Variants in PRRC2C observed in about 807,000 individuals in gnomAD.
The protein encoded by PRRC2C is protein PRRC2C.
In PRRC2C, 72 loss-of-function variants were observed where a neutral mutation model predicts 317.2. The observed-to-expected ratio is 0.23, with a 90% CI of 0.19 to 0.28. The LOEUF is 0.28. PRRC2C is among the 10% of genes least tolerant of loss of function. The pLI, the probability that PRRC2C is intolerant of heterozygous loss-of-function variation, is 1.00. For missense variants in PRRC2C, 3,074 were observed against 3,459.7 expected, an observed-to-expected ratio of 0.89 and a Z score of 2.80; for synonymous variants, 1,296 against 1,205.9, an observed-to-expected ratio of 1.07 and a Z score of -1.55.
At chr1:171,574,861 GTATA>G in intron 24 of PRRC2C, 62 bp from the exon 25 acceptor site, 1 of 1,405,036 alleles carries the variant, frequency 7.1e-7, no homozygotes, top group African/African-American at 1.4e-5. Flanking sequence ...ACTGATACAT[GTATA>G]TACATACGTA....
intron 6 of PRRC2C, among the ~76,000 whole-genome samples, chr1:171,519,892 A>G (rs985314506): frequency 1.3e-5 from 2 of 152,080 alleles, no homozygotes; most frequent in Non-Finnish European, 2.9e-5. Context: ...TATTGTTCCA[A>G]TTTTGCTGCC....
chr1:171,504,830 C>T (rs1197272335), intron 1 of PRRC2C, among the ~76,000 whole-genome samples: 2 of 152,176 alleles, frequency 1.3e-5, no homozygotes, highest in East Asian at 3.9e-4. Context: ...TAAATTTCTT[C>T]TGAGGTTTTG....
rs1371436425 is a variant in PRRC2C, at chr1:171,589,366, C to A, written c.8200-3C>A. On this transcript the variant is annotated splice_polypyrimidine_tract_variant and splice_region_variant and intron_variant, in intron 33 of 34. Coordinates refer to ENST00000647382, the MANE Select transcript of PRRC2C (RefSeq NM_001387844.1). Reference sequence around the variant, plus strand: ...TGTTGTATGTTTTGTTTTTTTCACTCAGATTCTCTCCCAGCCTAACCTGGT... The same window carrying A: ...TGTTGTATGTTTTGTTTTTTTCACTAAGATTCTCTCCCAGCCTAACCTGGT... 3 of 1,199,440 alleles carry A rather than the reference C, an allele frequency of 2.5e-6. No homozygotes were observed. The highest frequency in any genetic ancestry group is 3.3e-6 in the Non-Finnish European group (3 of 915,598). 74.3% of individuals were successfully genotyped at this position (1,199,440 alleles called of 1,614,324 possible).
At chr1:171,551,187 G>C (rs1453055107) in intron 18 of PRRC2C, among the ~76,000 whole-genome samples, 1 of 152,166 alleles carries the variant, frequency 6.6e-6, no homozygotes, top group Non-Finnish European at 1.5e-5. Context: ...GTATCTTATT[G>C]TGGTTTTGAT....
chr1:171,574,884 A>G, intron 24 of PRRC2C, 43 bp from the exon 25 acceptor site: 1 of 1,556,156 alleles, frequency 6.4e-7, no homozygotes, highest in Non-Finnish European at 8.8e-7. Context: ...TATATTCTGT[A>G]TTAACATCAT....
intron 23 of PRRC2C, among the ~76,000 whole-genome samples, chr1:171,568,662 T>A (rs1417735586): frequency 2.6e-5 from 4 of 152,230 alleles, no homozygotes; most frequent in Admixed American, 2.0e-4. Context: ...AAATTTAACA[T>A]GAACGGTTGG....
At chr1:171,519,337 T>C (rs1282034293) in intron 6 of PRRC2C, among the ~76,000 whole-genome samples, 1 of 152,250 alleles carries the variant, frequency 6.6e-6, no homozygotes, top group African/African-American at 2.4e-5. Context: ...TCAAATATTA[T>C]GTTAGTATTC....
chr1:171,548,076 C>T (rs1038315894), intron 17 of PRRC2C, among the ~76,000 whole-genome samples: 3 of 152,182 alleles, frequency 2.0e-5, no homozygotes, highest in Non-Finnish European at 4.4e-5. Context: ...AGCGATTCTC[C>T]TACCTCAACC....
At chr1:171,518,037 A>G (rs935651025) in intron 6 of PRRC2C, among the ~76,000 whole-genome samples, 26 of 152,352 alleles carry the variant, frequency 1.7e-4, no homozygotes, top group Admixed American at 2.0e-4. Context: ...GTTACCACGC[A>G]GTGTTTCTTA....
chr1:171,492,555 G>A lies in PRRC2C; in HGVS notation c.-58+6820G>A, dbSNP rs529794734. Among the ~76,000 whole-genome samples, 313 of 152,092 alleles carry A rather than the reference G, an allele frequency of 2.1e-3. 1 individual carries two copies. Among genetic ancestry groups the A allele is most frequent in the Middle Eastern group, 6.8e-3 (2 of 294 alleles). ...CTGCACTAAATTCAGCATCAATAGG[G>A]TGTCCTGGGAGTGGGGGACTAACAG... is the stretch of plus-strand genomic sequence containing the variant. On this transcript the variant is annotated intron_variant, in intron 1 of 34. Coordinates refer to ENST00000647382, the MANE Select transcript of PRRC2C (RefSeq NM_001387844.1).
At chr1:171,533,560 T>C (rs1169465010) in intron 12 of PRRC2C, among the ~76,000 whole-genome samples, 1 of 152,222 alleles carries the variant, frequency 6.6e-6, no homozygotes, top group African/African-American at 2.4e-5. Context: ...TCAAATATAG[T>C]ATAAAGCCTT....
intron 9 of PRRC2C, among the ~76,000 whole-genome samples, chr1:171,524,220 A>G (rs920881862): frequency 6.6e-6 from 1 of 152,168 alleles, no homozygotes; most frequent in Admixed American, 6.5e-5. Context: ...AGTAAACTGC[A>G]TTAGGGCCTT....
intron 11 of PRRC2C, among the ~76,000 whole-genome samples, chr1:171,529,812 C>G (rs900369818): frequency 7.9e-5 from 12 of 151,038 alleles, no homozygotes; most frequent in African/African-American, 3.0e-4. Context: ...CTGTTCTTAC[C>G]ACATACACAT....
At chr1:171,550,348 A>C (rs235470) in intron 18 of PRRC2C, 108 bp downstream of exon 18, 812,793 of 989,584 alleles carry the variant, frequency 0.82, 333,896 homozygotes, top group East Asian at 0.9. Context: ...TCATTATTCA[A>C]GTGTTAAAAG....
In PRRC2C at chr1:171,542,013, A is replaced by G; in HGVS notation, c.4547A>G (p.Lys1516Arg). The G allele has an allele frequency of 6.2e-7, 1 of 1,613,890 alleles. No individual in the cohort carries two copies. The highest frequency in any genetic ancestry group is 8.5e-7 in the Non-Finnish European group (1 of 1,179,876). The change falls in exon 16 of 35, where the codon AAA becomes AGA. Residue 1516 changes from lysine (K) to arginine (R), a missense_variant. By Grantham distance (26) the Lys-to-Arg change is conservative. Around this residue, in one of 11 missense-constraint regions of PRRC2C, gnomAD observed 178 missense variants for 163.0 expected, o/e 1.09. Coordinates refer to ENST00000647382, the MANE Select transcript of PRRC2C (RefSeq NM_001387844.1). ...DFNERRERDE[K>R]KNADLNAQTV... is the part of the protein sequence containing the mutation. ...AATGAGAGGCGAGAGAGGGATGAAA[A>G]AAAAAATGCTGACTTGAATGCACAA...
At chr1:171,500,947 A>G (rs1571601754) in intron 1 of PRRC2C, among the ~76,000 whole-genome samples, 1 of 152,100 alleles carries the variant, frequency 6.6e-6, no homozygotes, top group Non-Finnish European at 1.5e-5. Context: ...GGCCTAGGGT[A>G]GAGTGCAGTG....
chr1:171,586,650 G>A (rs1218233151), intron 30 of PRRC2C, among the ~76,000 whole-genome samples: 1 of 150,942 alleles, frequency 6.6e-6, no homozygotes, highest in African/African-American at 2.4e-5. Context: ...GCAGGATCTC[G>A]GCTCACTGCA....
At chr1:171,522,107 T>A in intron 6 of PRRC2C, 70 bp from the exon 7 acceptor site, 1 of 684,226 alleles carries the variant, frequency 1.5e-6, no homozygotes, top group Admixed American at 3.2e-5. Context: ...CTCAGATTTA[T>A]ATATATATAT....
chr1:171,558,791 A>G (rs1681970249), intron 19 of PRRC2C, among the ~76,000 whole-genome samples: 1 of 152,212 alleles, frequency 6.6e-6, no homozygotes, highest in South Asian at 2.1e-4. Context: ...TAAGTGTTCA[A>G]GTGGATGGAA....
Sources: allele counts gnomAD v4.1 joint callset (sites outside exome capture counted in the v4.1 genomes callset), GRCh38; gene constraint gnomAD v4.1.1; regional missense constraint gnomAD v4.1.1; transcripts MANE v1.5; gene names NCBI Gene and HGNC (gene_info 2026-07-23, HGNC 2026-07-21).